Variants in TSHZ2 observed in about 807,000 individuals in gnomAD.
The protein encoded by TSHZ2 is teashirt homolog 2.
In TSHZ2, 21 loss-of-function variants were observed where a neutral mutation model predicts 74.4. That is an observed-to-expected ratio of 0.28 (90% CI 0.20 to 0.41). The LOEUF (loss-of-function observed/expected upper bound fraction) is 0.41, where lower values mean the gene tolerates loss of function less well. TSHZ2 is among the 10% of genes least tolerant of loss of function. The probability of loss-of-function intolerance (pLI) is 1.00; values close to 1 mark genes in which losing one functional copy is unlikely to be tolerated. For missense variants in TSHZ2, 1,244 were observed against 1,293.5 expected (o/e 0.96, Z 0.59); for synonymous variants, 540 against 515.3 (o/e 1.05, Z -0.65).
chr20:53,352,232 CTTTTTTTTTTT>C (rs142220716), intron 2 of TSHZ2, among the ~76,000 whole-genome samples: 1 of 57,868 alleles, frequency 1.7e-5, no homozygotes, highest in Non-Finnish European at 3.1e-5. Context: ...CTCCTAAGCT[CTTTTTTTTTTT>C]TTTTTTTTTT....
intron 2 of TSHZ2, chr20:53,399,671 C>T (rs1376109877): frequency 6.6e-6 from 1 of 152,126 alleles, no homozygotes; most frequent in Non-Finnish European, 1.5e-5. Flanking sequence ...GATTCAGCTC[C>T]ATCCCAAGCT....
chr20:53,371,445 T>C (rs1340953061), intron 2 of TSHZ2, among the ~76,000 whole-genome samples: 1 of 152,220 alleles, frequency 6.6e-6, no homozygotes, highest in Non-Finnish European at 1.5e-5. Context: ...GTCAGACACA[T>C]TCTAGTCTTC....
chr20:53,068,475 T>C (rs1985067251), intron 1 of TSHZ2, among the ~76,000 whole-genome samples: 1 of 152,132 alleles, frequency 6.6e-6, no homozygotes, highest in Non-Finnish European at 1.5e-5. Flanking sequence ...TTCCTCTCCT[T>C]ATTCCCTACT....
chr20:53,149,926 AG>A (rs749979334), intron 1 of TSHZ2, among the ~76,000 whole-genome samples: 1 of 152,190 alleles, frequency 6.6e-6, no homozygotes, highest in Admixed American at 6.5e-5. Context: ...ATGGATCTCC[AG>A]GGATCAGGGA....
At chr20:53,337,202 G>A (rs1437669843) in intron 2 of TSHZ2, among the ~76,000 whole-genome samples, 1 of 152,182 alleles carries the variant, frequency 6.6e-6, no homozygotes, top group Non-Finnish European at 1.5e-5. Context: ...TCAACGGATT[G>A]AATTCTCCCT....
intron 1 of TSHZ2, among the ~76,000 whole-genome samples, chr20:53,054,713 T>C (rs1191828980): frequency 6.6e-6 from 1 of 152,204 alleles, no homozygotes; most frequent in African/African-American, 2.4e-5. Context: ...AATTCATTAA[T>C]AGGGCTGTCA....
intron 1 of TSHZ2, among the ~76,000 whole-genome samples, chr20:53,215,338 A>C (rs1198369282): frequency 6.6e-6 from 1 of 152,052 alleles, no homozygotes; most frequent in Admixed American, 6.6e-5. Context: ...GCTGCCTGTC[A>C]TATGAAAAGC....
intron 2 of TSHZ2, among the ~76,000 whole-genome samples, chr20:53,265,892 C>CTCCTTTCTTCCCTCCCT (rs1555843917): frequency 2.0e-5 from 3 of 152,228 alleles, no homozygotes; most frequent in African/African-American, 4.8e-5. Context: ...TCCTCCCTCC[C>CTCCTTTCTTCCCTCCCT]TCCTTTCTTC....
chr20:53,193,449 C>G (rs1988789611), intron 1 of TSHZ2, among the ~76,000 whole-genome samples: 1 of 152,060 alleles, frequency 6.6e-6, no homozygotes, highest in Admixed American at 6.5e-5. Flanking sequence ...CCTTTGCCCC[C>G]CAACACACCC....
chr20:53,482,268 G>A (rs1266803298), intron 2 of TSHZ2, among the ~76,000 whole-genome samples: 1 of 152,072 alleles, frequency 6.6e-6, no homozygotes, highest in Non-Finnish European at 1.5e-5. Context: ...AATGACCACA[G>A]GCCCAACATC....
chr20:53,334,510 C>T, intron 2 of TSHZ2, among the ~76,000 whole-genome samples: 1 of 152,102 alleles, frequency 6.6e-6, no homozygotes, highest in East Asian at 1.9e-4. Flanking sequence ...AGGCAGGGCA[C>T]TGCGGTCAAA....
In TSHZ2 at chr20:52,987,480, CCTCT is replaced by C. The variant is rs542355484; in HGVS notation, c.40+14158_40+14161del. Among the ~76,000 whole-genome samples the C allele has an allele frequency of 4.4e-3, 657 of 150,180 alleles. 3 individuals carry two copies. The highest frequency in any genetic ancestry group is 0.015 in the African/African-American group (621 of 41,062). ...CTCCTCTCTCTCTCTCTTTCTCTCT[CCTCT>C]CTCTCTCTCTTTCCCTCTCTCTTTC... is the stretch of plus-strand genomic sequence containing the variant. On this transcript the variant is annotated intron_variant, in intron 1 of 2. Coordinates refer to ENST00000371497, the MANE Select transcript of TSHZ2 (RefSeq NM_173485.6).
chr20:53,305,631 A>T (rs114914761), intron 2 of TSHZ2, among the ~76,000 whole-genome samples: 3,573 of 152,258 alleles, frequency 0.023, 165 homozygotes, highest in African/African-American at 0.081. Flanking sequence ...CACCTTGAAC[A>T]TGCTTATTTT....
At chr20:53,447,864 A>G (rs77806190) in intron 2 of TSHZ2, among the ~76,000 whole-genome samples, 1 of 152,262 alleles carries the variant, frequency 6.6e-6, no homozygotes, top group Non-Finnish European at 1.5e-5. Flanking sequence ...GCTCACTGCA[A>G]ATTAAAGCCA....
chr20:53,337,963 C>T (rs1186323666), intron 2 of TSHZ2, among the ~76,000 whole-genome samples: 1 of 152,196 alleles, frequency 6.6e-6, no homozygotes, highest in African/African-American at 2.4e-5. Flanking sequence ...AAAGCACAGG[C>T]TCAAAGCTAT....
intron 1 of TSHZ2, among the ~76,000 whole-genome samples, chr20:53,166,211 T>C (rs1988057902): frequency 6.6e-6 from 1 of 152,206 alleles, no homozygotes; most frequent in Non-Finnish European, 1.5e-5. Context: ...ATTGGGGCAG[T>C]TTCAACATAT....
At chr20:53,262,276 T>G (rs151056272) in intron 2 of TSHZ2, among the ~76,000 whole-genome samples, 3 of 152,186 alleles carry the variant, frequency 2.0e-5, no homozygotes, top group African/African-American at 7.2e-5. Context: ...TTCTACTTTC[T>G]AGGAGACAAG....
chr20:53,172,189 T>G (rs547978236), intron 1 of TSHZ2, among the ~76,000 whole-genome samples: 11 of 152,342 alleles, frequency 7.2e-5, no homozygotes, highest in Non-Finnish European at 1.5e-4. Flanking sequence ...TGGTTGGTTT[T>G]AGTGAATTAA....
chr20:53,215,778 G>A (rs1472227485), intron 1 of TSHZ2, among the ~76,000 whole-genome samples: 1 of 151,296 alleles, frequency 6.6e-6, no homozygotes, highest in Admixed American at 6.6e-5. Context: ...TGAGGCAGGA[G>A]CATAGCTTGA....
Sources: allele counts gnomAD v4.1 joint callset (sites outside exome capture counted in the v4.1 genomes callset), GRCh38; gene constraint gnomAD v4.1.1; transcripts MANE v1.5; gene names NCBI Gene and HGNC (gene_info 2026-07-23, HGNC 2026-07-21).